The following STOX2 variants were observed in gnomAD, a reference collection of about 807,000 sequenced individuals.
STOX2 encodes the protein storkhead-box protein 2.
Under a neutral mutation model 60.9 loss-of-function variants are expected in STOX2, and 28 were observed. That is an observed-to-expected ratio of 0.46 (90% CI 0.34 to 0.63). The LOEUF (loss-of-function observed/expected upper bound fraction) is 0.63. STOX2 is among the 30% of genes least tolerant of loss of function. The pLI is 0.01. For missense variants in STOX2, 1,024 were observed against 1,187.7 expected, an observed-to-expected ratio of 0.86 and a Z score of 2.03; for synonymous variants, 472 against 463.9, an observed-to-expected ratio of 1.02 and a Z score of -0.22.
At chr4:183,831,570 T>C (rs1480508153) in intron 1 of STOX2, among the ~76,000 whole-genome samples, 1 of 151,932 alleles carries the variant, frequency 6.6e-6, no homozygotes, top group Non-Finnish European at 1.5e-5. Context: ...AATATTTTGC[T>C]AGGTATTAGA....
chr4:183,956,950 C>T (rs1019714026), intron 1 of STOX2, among the ~76,000 whole-genome samples: 15 of 127,718 alleles, frequency 1.2e-4, no homozygotes, highest in Non-Finnish European at 2.2e-4. Flanking sequence ...TGCAAGAATA[C>T]TGTGTAAGTT....
chr4:183,845,239 A>G (rs1279406420), intron 1 of STOX2, among the ~76,000 whole-genome samples: 2 of 152,152 alleles, frequency 1.3e-5, no homozygotes, highest in African/African-American at 2.4e-5. Flanking sequence ...GATAAAGGGC[A>G]TAAGGACTAG....
At chr4:183,893,647 T>C (rs1162465042) in intron 1 of STOX2, among the ~76,000 whole-genome samples, 1 of 152,186 alleles carries the variant, frequency 6.6e-6, no homozygotes, top group Non-Finnish European at 1.5e-5. Context: ...AAGTGTATAT[T>C]TCACATATAA....
At chr4:183,844,371 T>C (rs183212931) in intron 1 of STOX2, among the ~76,000 whole-genome samples, 105 of 152,358 alleles carry the variant, frequency 6.9e-4, no homozygotes, top group African/African-American at 2.5e-3. Context: ...TGGTGAGCAT[T>C]GATTTATTTT....
intron 1 of STOX2, among the ~76,000 whole-genome samples, chr4:183,946,712 G>T (rs560018676): frequency 6.8e-6 from 1 of 147,272 alleles, no homozygotes; most frequent in South Asian, 2.3e-4. Context: ...TGCAACCTCC[G>T]CCTCCCAGCT....
chr4:183,967,371 G>GAAA (rs60724798), intron 1 of STOX2, among the ~76,000 whole-genome samples: 1 of 111,218 alleles, frequency 9.0e-6, no homozygotes, highest in Non-Finnish European at 2.0e-5. Flanking sequence ...CGTCTCAAGA[G>GAAA]AAAAAAAAAA....
At chr4:183,995,309 TTTTTTTTTTTTTTTG>T (rs796752956) in intron 1 of STOX2, among the ~76,000 whole-genome samples, 3,942 of 128,578 alleles carry the variant, frequency 0.031, 141 homozygotes, top group African/African-American at 0.078. Context: ...TTTTTTTTTT[TTTTTTTTTTTTTTTG>T]CACAAATAGA....
chr4:183,952,241 C>T (rs1029303123), intron 1 of STOX2, among the ~76,000 whole-genome samples: 4 of 152,132 alleles, frequency 2.6e-5, no homozygotes, highest in Non-Finnish European at 2.9e-5. Flanking sequence ...GTTTGTTCTG[C>T]GTACTTTGAA....
chr4:183,922,229 T>G (rs930583895), intron 1 of STOX2, among the ~76,000 whole-genome samples: 8 of 152,212 alleles, frequency 5.3e-5, no homozygotes, highest in African/African-American at 1.4e-4. Flanking sequence ...GAATAGTTTG[T>G]TCCTCAGGTG....
chr4:184,017,518 C>T lies in STOX2; in HGVS notation c.*234C>T, dbSNP rs892473426. 1.5e-5 allele frequency: 6 copies of T among 402,692 alleles called. No individual in the cohort carries two copies. The highest frequency in any genetic ancestry group is 2.2e-5 in the Non-Finnish European group (5 of 225,894). 24.9% of individuals were successfully genotyped at this position (402,692 alleles called of 1,614,324 possible). ...AGTAACAGTAGGGGTGATATGTATA[C>T]TTTTGCTTCACTAATTGTATCTGAG... is the stretch of plus-strand genomic sequence containing the variant. On this transcript the variant is annotated 3_prime_UTR_variant, in exon 4 of 4. Coordinates refer to ENST00000308497, the MANE Select transcript of STOX2 (RefSeq NM_020225.3).
Position 183,868,925 on chromosome 4 carries a change from C to T in STOX2, c.364+70870C>T, listed in dbSNP as rs75854117. Among the ~76,000 whole-genome samples the T allele has an allele frequency of 5.8e-4, 89 of 152,276 alleles. 2 individuals are homozygous for T. The East Asian group carries it at 0.011, about 18-fold the overall frequency. ...ATAAAAATATGTCTTTAATACAATA[C>T]AGTGAGTATATCCTTGAACCTTTTT... is the stretch of plus-strand genomic sequence containing the variant. On this transcript the variant is annotated intron_variant, in intron 1 of 2. Coordinates refer to the STOX2 transcript ENST00000513034.
chr4:183,927,289 T>G (rs1180886109), intron 1 of STOX2, among the ~76,000 whole-genome samples: 1 of 152,224 alleles, frequency 6.6e-6, no homozygotes, highest in African/African-American at 2.4e-5. Flanking sequence ...GTGTCTCATG[T>G]GTAAAATGGG....
chr4:183,939,029 G>A lies in STOX2; in HGVS notation c.166+32073G>A, dbSNP rs1210558168. On this transcript the variant is annotated intron_variant, in intron 1 of 3. Transcript: ENST00000308497. ...AAAGAGTCAGCTCCTTGCTACATACGGAATAGAAGACTGTTTTCAGATTTT... is the reference window on the plus strand; with the variant it reads ...AAAGAGTCAGCTCCTTGCTACATACAGAATAGAAGACTGTTTTCAGATTTT... Among the ~76,000 whole-genome samples the A allele has an allele frequency of 2.6e-5, 4 of 152,220 alleles. No homozygotes were observed. The East Asian group carries it at 5.8e-4, about 22-fold the overall frequency.
intron 1 of STOX2, among the ~76,000 whole-genome samples, chr4:183,872,096 C>T (rs1245648911): frequency 1.3e-5 from 2 of 152,004 alleles, no homozygotes; most frequent in Non-Finnish European, 2.9e-5. Context: ...CACTCTGTTG[C>T]CCAGGTTGGA....
At chr4:183,867,051 A>G (rs765268317) in intron 1 of STOX2, among the ~76,000 whole-genome samples, 2 of 151,888 alleles carry the variant, frequency 1.3e-5, no homozygotes, top group East Asian at 1.9e-4. Context: ...AGTGGGCACT[A>G]TTTACATGTG....
chr4:183,878,049 G>T (rs1309394667), intron 1 of STOX2, among the ~76,000 whole-genome samples: 1 of 152,214 alleles, frequency 6.6e-6, no homozygotes, highest in African/African-American at 2.4e-5. Flanking sequence ...CTTGAGGTAA[G>T]AATTATCACT....
chr4:184,017,533 T>C lies in STOX2; in HGVS notation c.*249T>C. ...GATATGTATACTTTTGCTTCACTAATTGTATCTGAGCACACATAGGAAAGT... is the reference window on the plus strand; with the variant it reads ...GATATGTATACTTTTGCTTCACTAACTGTATCTGAGCACACATAGGAAAGT... On this transcript the variant is annotated 3_prime_UTR_variant, in exon 4 of 4. Transcript: ENST00000308497. 1 of 371,294 alleles carries C rather than the reference T, an allele frequency of 2.7e-6. No individual in the cohort carries two copies. The highest frequency in any genetic ancestry group is 5.0e-5 in the East Asian group (1 of 19,930). The allele number at this position is 371,294 out of a possible 1,614,324, so 23.0% of individuals were successfully genotyped here. A position where few individuals can be genotyped will look rare whatever the true frequency, so the allele number is the denominator to read the frequency against.
chr4:184,009,047 T>G lies in STOX2; in HGVS notation c.320-111T>G, dbSNP rs1734010660. 1 of 840,890 alleles carries G rather than the reference T, an allele frequency of 1.2e-6. No individual in the cohort carries two copies. The highest frequency in any genetic ancestry group is 1.7e-5 in the African/African-American group (1 of 58,230). 52.1% of individuals were successfully genotyped at this position (840,890 alleles called of 1,614,324 possible). ...ACACCTTTGTCTGAATTGTGCATCCTAGCTCTGTGATGGTACTTCGCATCT... is the reference window on the plus strand; with the variant it reads ...ACACCTTTGTCTGAATTGTGCATCCGAGCTCTGTGATGGTACTTCGCATCT... On this transcript the variant is annotated intron_variant, in intron 2 of 3. Transcript: ENST00000308497. This position sits in a 1 kb window ranked among gnomAD's most constrained non-coding sequence, Gnocchi z 4.0.
rs543440824 is a variant in STOX2, at chr4:183,846,187, T to C, written c.364+48132T>C. Among the ~76,000 whole-genome samples, 10 of 152,356 alleles carry C rather than the reference T, an allele frequency of 6.6e-5. No homozygotes were observed. In the East Asian group the frequency reaches 1.9e-3, roughly 29 times the overall value. On this transcript the variant is annotated intron_variant, in intron 1 of 2. Transcript: ENST00000513034. The stretch of plus-strand genomic sequence containing the variant: ...AATTAACTGTTAATCTTACTGTGTA[T>C]ACCTTGTGACAAGGCTGTTTTCTCT...
Sources: gnomAD v4.1 joint callset for allele counts (sites outside exome capture counted in the v4.1 genomes callset) on GRCh38, gnomAD v4.1.1 for gene constraint, Gnocchi (gnomAD v3.1) non-coding constraint, MANE v1.5 for transcripts, NCBI Gene and HGNC (gene_info 2026-07-23, HGNC 2026-07-21) for gene names.